The following ENTPD1 variants were observed in gnomAD, a reference collection of about 807,000 sequenced individuals.
ENTPD1 encodes the protein ATP diphosphohydrolase.
ENTPD1 carries 33 observed loss-of-function variants against 57.0 expected under a neutral mutation model. That is an observed-to-expected ratio of 0.58 (90% CI 0.44 to 0.77). ENTPD1 has a LOEUF of 0.77. Among genes scored for constraint, ENTPD1 ranks in the 30% least tolerant of loss-of-function variants. The pLI is 0.00. For missense variants in ENTPD1, 501 were observed against 603.4 expected, an observed-to-expected ratio of 0.83 and a Z score of 1.78; for synonymous variants, 202 against 218.8, an observed-to-expected ratio of 0.92 and a Z score of 0.68.
chr10:95,862,489 T>C (rs2098467049), intron 8 of ENTPD1, among the ~76,000 whole-genome samples: 3 of 152,214 alleles, frequency 2.0e-5, no homozygotes, highest in African/African-American at 4.8e-5. Context: ...TGGTGGACAT[T>C]TGCTTGCTGT....
At chr10:95,707,871 C>A (rs1226620171), upstream of ENTPD1, among the ~76,000 whole-genome samples, 1 of 152,168 alleles carries the variant, frequency 6.6e-6, no homozygotes, top group Non-Finnish European at 1.5e-5. Flanking sequence ...TCCCAAAGTG[C>A]TGGGATTACA....
chr10:95,752,392 C>T (rs898783241), upstream of ENTPD1, among the ~76,000 whole-genome samples: 79 of 152,142 alleles, frequency 5.2e-4, no homozygotes, highest in African/African-American at 1.5e-3. Context: ...CAGTGTCTCA[C>T]GCCTGTAATC....
chr10:95,819,103 A>G (rs953049024), intron 1 of ENTPD1, among the ~76,000 whole-genome samples: 1 of 152,208 alleles, frequency 6.6e-6, no homozygotes, highest in Non-Finnish European at 1.5e-5. Context: ...TTGTTATCAC[A>G]GAGTAGCAAT....
chr10:95,780,834 A>G (rs1467319581), intron 1 of ENTPD1, among the ~76,000 whole-genome samples: 1 of 152,162 alleles, frequency 6.6e-6, no homozygotes, highest in Non-Finnish European at 1.5e-5. Flanking sequence ...GACAGGGGAA[A>G]CTGAATTCAG....
intron 1 of ENTPD1, among the ~76,000 whole-genome samples, chr10:95,816,270 G>A (rs983273664): frequency 6.6e-6 from 1 of 152,126 alleles, no homozygotes; most frequent in Non-Finnish European, 1.5e-5. Context: ...CTAGTTGGTG[G>A]GGGAGAAGAG....
intron 1 of ENTPD1, among the ~76,000 whole-genome samples, chr10:95,764,988 C>G (rs901604746): frequency 3.9e-5 from 6 of 152,110 alleles, no homozygotes; most frequent in Non-Finnish European, 7.4e-5. Flanking sequence ...TCCCAAAGTG[C>G]TGGGATTACA....
intron 1 of ENTPD1, among the ~76,000 whole-genome samples, chr10:95,721,548 G>T (rs1199825478): frequency 3.3e-5 from 5 of 152,282 alleles, no homozygotes; most frequent in East Asian, 3.9e-4. Context: ...AGCCATCAGG[G>T]TTATTTGAGA....
Position 95,868,879 on chromosome 10 carries a change from A to C in ENTPD1, c.*2496A>C, listed in dbSNP as rs1274819124. The C allele has an allele frequency of 1.2e-5, 12 of 985,242 alleles. No individual in the cohort carries two copies. Among genetic ancestry groups the C allele is most frequent in the Non-Finnish European group, 1.4e-5 (12 of 829,932 alleles). The allele number at this position is 985,242 out of a possible 1,614,324, so 61.0% of individuals were successfully genotyped here. A position where few individuals can be genotyped will look rare whatever the true frequency, so the allele number is the denominator to read the frequency against. ...GAGATGCCAAAAAAAAAATCCTTTA[A>C]GGTATTTGGGAGCCAAACTCAACTT... On this transcript the variant is annotated 3_prime_UTR_variant, in exon 10 of 10. Transcript: ENST00000371205.
Position 95,872,523 on chromosome 10 carries a change from C to CAAGT in ENTPD1, c.*6141_*6144dup, listed in dbSNP as rs1224591220. 1 of 984,820 alleles carries CAAGT rather than the reference C, an allele frequency of 1.0e-6. No individual in the cohort carries two copies. Among genetic ancestry groups the CAAGT allele is most frequent in the African/African-American group, 1.7e-5 (1 of 57,222 alleles). The allele number at this position is 984,820 out of a possible 1,614,324, so 61.0% of individuals were successfully genotyped here. The stretch of plus-strand genomic sequence containing the variant: ...ATTTGTGAAGCCTTCTCCAAATTTC[C>CAAGT]AAGTCAGAATGTCTCTTCCTTGTGC... On this transcript the variant is annotated 3_prime_UTR_variant, in exon 10 of 10. Coordinates refer to ENST00000371205, the MANE Select transcript of ENTPD1 (RefSeq NM_001776.6).
chr10:95,748,629 T>C (rs937455294), intron 1 of ENTPD1, among the ~76,000 whole-genome samples: 2 of 152,232 alleles, frequency 1.3e-5, no homozygotes, highest in African/African-American at 4.8e-5. Flanking sequence ...ACTACTATCA[T>C]ACCTTAAAAG....
At chr10:95,798,960 TGCTGAATATGTG>T (rs1171059780) in intron 1 of ENTPD1, among the ~76,000 whole-genome samples, 5 of 152,226 alleles carry the variant, frequency 3.3e-5, no homozygotes, top group Non-Finnish European at 7.3e-5. Flanking sequence ...ACACAGATTT[TGCTGAATATGTG>T]GCTTCAGTGG....
chr10:95,829,736 A>C (rs761563954), intron 2 of ENTPD1, among the ~76,000 whole-genome samples: 1 of 152,134 alleles, frequency 6.6e-6, no homozygotes, highest in Non-Finnish European at 1.5e-5. Flanking sequence ...CTTGGAGCTG[A>C]GTCTTAAGTG....
chr10:95,802,666 T>G (rs1440306647), intron 1 of ENTPD1, among the ~76,000 whole-genome samples: 1 of 152,186 alleles, frequency 6.6e-6, no homozygotes, highest in Non-Finnish European at 1.5e-5. Flanking sequence ...GTCCAAGTGA[T>G]CTCATTGTTC....
chr10:95,812,328 A>C (rs2098311644), intron 1 of ENTPD1, among the ~76,000 whole-genome samples: 1 of 152,274 alleles, frequency 6.6e-6, no homozygotes. Context: ...TATCAATGAA[A>C]GCACAAAGTA....
chr10:95,860,145 G>A, intron 7 of ENTPD1, among the ~76,000 whole-genome samples: 1 of 152,170 alleles, frequency 6.6e-6, no homozygotes, highest in East Asian at 1.9e-4. Context: ...ACATTCATAT[G>A]TAGTACATAG....
intron 1 of ENTPD1, among the ~76,000 whole-genome samples, chr10:95,821,471 C>T (rs776750277): frequency 3.9e-5 from 6 of 152,284 alleles, no homozygotes; most frequent in South Asian, 2.1e-4. Context: ...ACTTCCTCCA[C>T]GGTCACATGG....
intron 2 of ENTPD1, among the ~76,000 whole-genome samples, chr10:95,830,811 GA>G (rs963930835): frequency 2.6e-5 from 4 of 151,582 alleles, no homozygotes; most frequent in South Asian, 4.2e-4. Flanking sequence ...TCAAAAAAAA[GA>G]AAAAAAAGCC....
chr10:95,748,039 T>A (rs2098007930), intron 1 of ENTPD1, among the ~76,000 whole-genome samples: 1 of 151,750 alleles, frequency 6.6e-6, no homozygotes. Context: ...GCCCGGCTAA[T>A]TTTTTTTGTA....
At chr10:95,710,402 TA>T (rs1274266210), upstream of ENTPD1, among the ~76,000 whole-genome samples, 4 of 152,162 alleles carry the variant, frequency 2.6e-5, no homozygotes, top group African/African-American at 4.8e-5. Flanking sequence ...CAGACTGTTT[TA>T]AAAAAAATTT....
Sources: allele counts gnomAD v4.1 joint callset (sites outside exome capture counted in the v4.1 genomes callset), GRCh38; gene constraint gnomAD v4.1.1; transcripts MANE v1.5; gene names NCBI Gene and HGNC (gene_info 2026-07-23, HGNC 2026-07-21).